The following SLC39A11 variants were observed in gnomAD, a reference collection of about 807,000 sequenced individuals.
The protein encoded by SLC39A11 is solute carrier family 39 member 11, also known as zinc transporter ZIP11.
A neutral mutation model predicts 36.1 loss-of-function variants in SLC39A11; 33 were observed. The ratio of observed to expected loss-of-function variants is 0.91; its 90% CI spans 0.69 to 1.22. SLC39A11 has a LOEUF of 1.22. SLC39A11 is among the 50% of genes most tolerant of loss of function. The pLI is 0.00. For missense variants in SLC39A11, 432 were observed against 430.3 expected (o/e 1.00, Z -0.03); for synonymous variants, 166 against 170.3 (o/e 0.97, Z 0.20).
intron 6 of SLC39A11, among the ~76,000 whole-genome samples, chr17:72,784,369 T>TG (rs1314279847): frequency 6.6e-6 from 1 of 151,574 alleles, no homozygotes; most frequent in Non-Finnish European, 1.5e-5. Flanking sequence ...ACAAAAAGGT[T>TG]GGGGGGTGCG....
intron 6 of SLC39A11, among the ~76,000 whole-genome samples, chr17:72,841,520 G>C (rs1034849362): frequency 4.6e-5 from 7 of 152,202 alleles, no homozygotes; most frequent in African/African-American, 1.4e-4. Context: ...CATGGAGATA[G>C]AGAGGAGAAG....
intron 4 of SLC39A11, among the ~76,000 whole-genome samples, chr17:73,016,748 A>C (rs2058182594): frequency 6.6e-6 from 1 of 152,208 alleles, no homozygotes; most frequent in African/African-American, 2.4e-5. Context: ...CTGTGGCAAT[A>C]TTTCAGAACC....
At chr17:72,836,427 A>G (rs1308384337) in intron 6 of SLC39A11, among the ~76,000 whole-genome samples, 1 of 151,008 alleles carries the variant, frequency 6.6e-6, no homozygotes, top group South Asian at 2.1e-4. Context: ...TGCAGCCTCC[A>G]CATCCCAGGC....
chr17:73,040,825 A>G (rs949318759), intron 3 of SLC39A11, among the ~76,000 whole-genome samples: 2 of 151,986 alleles, frequency 1.3e-5, no homozygotes, highest in African/African-American at 4.8e-5. Flanking sequence ...TTTCTACTAA[A>G]AATACAAAAA....
chr17:72,689,089 C>T (rs975082288), intron 7 of SLC39A11, among the ~76,000 whole-genome samples: 4 of 152,122 alleles, frequency 2.6e-5, no homozygotes, highest in East Asian at 1.9e-4. Context: ...GGACCCCTCC[C>T]GAGCCCCTTG....
At chr17:72,913,267 C>A (rs928713335) in intron 5 of SLC39A11, among the ~76,000 whole-genome samples, 6 of 151,946 alleles carry the variant, frequency 3.9e-5, no homozygotes, top group African/African-American at 1.5e-4. Flanking sequence ...AAGAAGTCGA[C>A]ACAGCGGACA....
At chr17:72,682,345 C>T (rs1470953874) in intron 7 of SLC39A11, among the ~76,000 whole-genome samples, 2 of 137,680 alleles carry the variant, frequency 1.5e-5, no homozygotes, top group South Asian at 5.2e-4. Flanking sequence ...AAACCGGTCC[C>T]TGGTACCAAA....
rs545567642 is a variant in SLC39A11, at chr17:73,052,051, C to T, written c.148-20337G>A. ...CAGCTCCATCAAGTGGTCGTGAAGA[C>T]AAAATGAGCTCATCTGTGTTCTAGG... On this transcript the variant is annotated intron_variant, in intron 3 of 9. Transcript: ENST00000255559. 9.2e-5 allele frequency among the ~76,000 whole-genome samples: 14 copies of T among 151,948 alleles called. No individual in the cohort carries two copies. The East Asian group carries it at 2.4e-3, about 26-fold the overall frequency.
intron 7 of SLC39A11, among the ~76,000 whole-genome samples, chr17:72,702,710 G>A (rs1268928596): frequency 6.6e-6 from 1 of 152,018 alleles, no homozygotes; most frequent in Non-Finnish European, 1.5e-5. Context: ...GCTGAGGCGG[G>A]TGGATCACTT....
intron 6 of SLC39A11, among the ~76,000 whole-genome samples, chr17:72,760,295 TG>T (rs2075527852): frequency 6.6e-6 from 1 of 152,258 alleles, no homozygotes; most frequent in Non-Finnish European, 1.5e-5. Flanking sequence ...CCCAAAGTGC[TG>T]GGACTACAGG....
chr17:73,008,076 C>G (rs2090282349), intron 4 of SLC39A11, among the ~76,000 whole-genome samples: 1 of 149,712 alleles, frequency 6.7e-6, no homozygotes. Context: ...GCACTCCAGC[C>G]TGGGTGACAG....
chr17:72,656,612 A>C (rs903611666), intron 7 of SLC39A11, among the ~76,000 whole-genome samples: 9 of 152,036 alleles, frequency 5.9e-5, no homozygotes, highest in Non-Finnish European at 1.3e-4. Flanking sequence ...CAGCAAGGAC[A>C]AGAGCAGCCC....
intron 6 of SLC39A11, among the ~76,000 whole-genome samples, chr17:72,826,305 T>C (rs2078026032): frequency 6.6e-6 from 1 of 152,326 alleles, no homozygotes; most frequent in East Asian, 1.9e-4. Flanking sequence ...CCTTCCACCA[T>C]GATTTTAAGT....
At chr17:73,045,386 T>TA (rs374832995) in intron 3 of SLC39A11, among the ~76,000 whole-genome samples, 12,862 of 41,750 alleles carry the variant, frequency 0.31, 4,281 homozygotes, top group African/African-American at 0.33. Flanking sequence ...AAAACAGAGT[T>TA]AAAAAAAAAA....
chr17:72,993,485 T>C lies in SLC39A11; in HGVS notation c.306+38071A>G, dbSNP rs1488437764. On this transcript the variant is annotated intron_variant, in intron 4 of 9. Transcript: ENST00000255559. Reference sequence around the variant, plus strand: ...CTGAGAACCACTGTCCTAAATATTGTTGAAGCATTGCTAACTTCGCCTGGG... The same window carrying C: ...CTGAGAACCACTGTCCTAAATATTGCTGAAGCATTGCTAACTTCGCCTGGG... 2.6e-5 allele frequency among the ~76,000 whole-genome samples: 4 copies of C among 152,362 alleles called. No individual in the cohort carries two copies. The South Asian group carries it at 6.2e-4, about 24-fold the overall frequency.
chr17:73,076,407 C>T (rs2060320883), intron 3 of SLC39A11, among the ~76,000 whole-genome samples: 1 of 152,160 alleles, frequency 6.6e-6, no homozygotes, highest in Non-Finnish European at 1.5e-5. Flanking sequence ...CTTACAGAAA[C>T]ACCTATTTTG....
In SLC39A11 at chr17:72,662,279, AGAAAGGAAGAAAGAAAAGAG is replaced by A. The variant is rs541773919; in HGVS notation, c.672-13031_672-13012del. ...AATGAGGCCTTTTTTTAGAAAGAAAAGAAAGGAAGAAAGAAAAGAGGAAAGGAAGAAAGAAAAGAGGAAAG... is the reference window on the plus strand; with the variant it reads ...AATGAGGCCTTTTTTTAGAAAGAAAAGAAAGGAAGAAAGAAAAGAGGAAAG... On this transcript the variant is annotated intron_variant, in intron 7 of 9. Coordinates refer to ENST00000255559, the MANE Select transcript of SLC39A11 (RefSeq NM_139177.4). 3.6e-3 allele frequency among the ~76,000 whole-genome samples: 549 copies of A among 151,502 alleles called. 5 individuals carry two copies. Among genetic ancestry groups the A allele is most frequent in the African/African-American group, 0.013 (533 of 40,972 alleles).
intron 6 of SLC39A11, among the ~76,000 whole-genome samples, chr17:72,755,817 C>T (rs993182466): frequency 2.0e-5 from 3 of 152,164 alleles, no homozygotes; most frequent in African/African-American, 4.8e-5. Flanking sequence ...CAGCTGCCAC[C>T]ACGTGGAATC....
chr17:72,805,017 AAAT>A (rs370336789), intron 6 of SLC39A11, among the ~76,000 whole-genome samples: 4 of 151,922 alleles, frequency 2.6e-5, no homozygotes, highest in South Asian at 2.1e-4. Context: ...TCCATCTCAC[AAAT>A]AATAATAATA....
Sources: allele counts gnomAD v4.1 joint callset (sites outside exome capture counted in the v4.1 genomes callset), GRCh38; gene constraint gnomAD v4.1.1; transcripts MANE v1.5; gene names NCBI Gene and HGNC (gene_info 2026-07-23, HGNC 2026-07-21).